PMFBP1: variants seen among roughly 807,000 people sequenced by gnomAD.
PMFBP1 encodes the protein polyamine modulated factor 1 binding protein 1.
A neutral mutation model predicts 137.8 loss-of-function variants in PMFBP1; 131 were observed. The ratio of observed to expected loss-of-function variants is 0.95; its 90% CI spans 0.82 to 1.10. The LOEUF is 1.10. Among genes scored for constraint, PMFBP1 ranks in the 50% least tolerant of loss-of-function variants. The pLI is 0.00. For missense variants in PMFBP1, 1,199 were observed against 1,175.4 expected, an observed-to-expected ratio of 1.02 and a Z score of -0.29; for synonymous variants, 490 against 450.4, an observed-to-expected ratio of 1.09 and a Z score of -1.11.
the PMFBP1 span, among the ~76,000 whole-genome samples, chr16:72,239,660 G>A: frequency 3.3e-5 from 5 of 151,936 alleles, no homozygotes; most frequent in South Asian, 2.1e-4. Context: ...TTGGGAGGCC[G>A]AGGCGGGTGG....
intron 7 of PMFBP1, 81 bp from the exon 8 acceptor site, chr16:72,136,900 C>A: frequency 5.7e-6 from 9 of 1,577,376 alleles, no homozygotes; most frequent in South Asian, 1.1e-5. Flanking sequence ...CATCCACAGT[C>A]AACAGTAAGT....
chr16:72,145,548 A>G (rs1277393662), intron 5 of PMFBP1, among the ~76,000 whole-genome samples: 2 of 152,184 alleles, frequency 1.3e-5, no homozygotes, highest in Non-Finnish European at 2.9e-5. Flanking sequence ...ACTGAAGGAG[A>G]TAGAGACACA....
chr16:72,128,111 C>T (rs1474136270), intron 14 of PMFBP1, among the ~76,000 whole-genome samples: 1 of 152,180 alleles, frequency 6.6e-6, no homozygotes, highest in Non-Finnish European at 1.5e-5. Context: ...GACTTTGGCC[C>T]TCCATCTTTC....
chr16:72,120,137 G>T (rs1434352646), intron 19 of PMFBP1, 48 bp from the exon 20 acceptor site: 1 of 1,613,198 alleles, frequency 6.2e-7, no homozygotes. Context: ...TGCTGGCTCT[G>T]GTTGGTTCCC....
intron 17 of PMFBP1, 149 bp from the exon 18 acceptor site, chr16:72,123,798 G>T (rs2042412678): frequency 3.1e-6 from 2 of 636,454 alleles, no homozygotes; most frequent in East Asian, 2.8e-5. Context: ...GTTGCCACCA[G>T]ACCTCCCCCT....
At chr16:72,121,804 AT>A (rs1385585070) in intron 19 of PMFBP1, among the ~76,000 whole-genome samples, 1 of 152,010 alleles carries the variant, frequency 6.6e-6, no homozygotes, top group African/African-American at 2.4e-5. Context: ...TCATTTTTAA[AT>A]TTTTTATACA....
intron 5 of PMFBP1, among the ~76,000 whole-genome samples, chr16:72,143,871 C>T (rs2042761990): frequency 6.6e-6 from 1 of 151,762 alleles, no homozygotes; most frequent in Non-Finnish European, 1.5e-5. Flanking sequence ...AGAAACACTC[C>T]TCTCTACTAA....
the PMFBP1 span, among the ~76,000 whole-genome samples, chr16:72,231,990 T>A: frequency 6.2e-5 from 9 of 145,476 alleles, no homozygotes; most frequent in South Asian, 1.1e-3. Flanking sequence ...TTGGAGAACT[T>A]CAATCTCTGG....
At chr16:72,159,506 G>A (rs2043029883) in intron 3 of PMFBP1, among the ~76,000 whole-genome samples, 1 of 152,154 alleles carries the variant, frequency 6.6e-6, no homozygotes, top group Non-Finnish European at 1.5e-5. Flanking sequence ...AATTTGCCTG[G>A]TTATAAAGAT....
At chr16:72,249,216 C>A in the PMFBP1 span, among the ~76,000 whole-genome samples, 2 of 151,992 alleles carry the variant, frequency 1.3e-5, no homozygotes, top group African/African-American at 4.8e-5. Flanking sequence ...TGTCTTCCAG[C>A]TGAGCTTTTG....
At chr16:72,122,600 C>T (rs2042391680) in intron 19 of PMFBP1, among the ~76,000 whole-genome samples, 1 of 152,232 alleles carries the variant, frequency 6.6e-6, no homozygotes, top group Non-Finnish European at 1.5e-5. Flanking sequence ...AGCCCCTGCC[C>T]TAAATAATCC....
intron 3 of PMFBP1, 63 bp downstream of exon 3, chr16:72,164,701 C>A: frequency 6.5e-7 from 1 of 1,530,282 alleles, no homozygotes. Flanking sequence ...ATTATTCCCG[C>A]CCAAGGGAGC....
At chr16:72,201,724 T>C in the PMFBP1 span, among the ~76,000 whole-genome samples, 12 of 152,374 alleles carry the variant, frequency 7.9e-5, no homozygotes, top group East Asian at 2.3e-3. Flanking sequence ...AAAGGGCTAA[T>C]ATTGATTAAT....
chr16:72,136,576 C>G lies in PMFBP1; in HGVS notation c.1075G>C (p.Gly359Arg), dbSNP rs745719555. Residue 359 changes from glycine (G) to arginine (R), a missense_variant, in exon 9 of 21, where the codon GGA becomes CGA. Coordinates refer to ENST00000237353, the MANE Select transcript of PMFBP1 (RefSeq NM_031293.3). Reference protein sequence around the residue: ...DMMKLELDLHGLREETSAHIE... With the variant: ...DMMKLELDLHRLREETSAHIE... ...TGGGCAGATGTCTCCTCCCGCAGTC[C>G]GTGCAGGTCCAGCTCCAGCTTCATC... 6.2e-7 allele frequency: 1 copy of G among 1,614,008 alleles called. No homozygotes were observed. Among genetic ancestry groups the G allele is most frequent in the Non-Finnish European group, 8.5e-7 (1 of 1,180,004 alleles).
Position 72,120,067 on chromosome 16 carries a change from G to A in PMFBP1, c.2791C>T (p.His931Tyr). Residue 931 changes from histidine to tyrosine, a missense_variant, in exon 20 of 21, where the codon CAC becomes TAC. Coordinates refer to ENST00000237353, the MANE Select transcript of PMFBP1 (RefSeq NM_031293.3). ...EKDHLHSVMVHLQQENKKLKK... is the reference protein window; with the variant it reads ...EKDHLHSVMVYLQQENKKLKK... ...AGCTTCTTGTTTTCCTGCTGCAAGTGGACCATTACACTGTGGAGGTGGCTG... is the reference window on the plus strand; with the variant it reads ...AGCTTCTTGTTTTCCTGCTGCAAGTAGACCATTACACTGTGGAGGTGGCTG... The A allele has an allele frequency of 1.9e-6, 3 of 1,614,162 alleles. No individual in the cohort carries two copies. The highest frequency in any genetic ancestry group is 1.7e-6 in the Non-Finnish European group (2 of 1,180,034).
intron 4 of PMFBP1, among the ~76,000 whole-genome samples, chr16:72,153,528 C>T (rs1438106784): frequency 6.6e-6 from 1 of 152,084 alleles, no homozygotes; most frequent in Non-Finnish European, 1.5e-5. Context: ...TGGTTTACTG[C>T]ACCTAGTGCT....
the PMFBP1 span, among the ~76,000 whole-genome samples, chr16:72,211,576 CAGA>C: frequency 6.6e-6 from 1 of 151,884 alleles, no homozygotes; most frequent in Non-Finnish European, 1.5e-5. Flanking sequence ...AGAAATAATG[CAGA>C]GAACAGAAAA....
At chr16:72,191,195 G>T in the PMFBP1 span, among the ~76,000 whole-genome samples, 1 of 152,186 alleles carries the variant, frequency 6.6e-6, no homozygotes, top group Non-Finnish European at 1.5e-5. Context: ...TTTACAGACA[G>T]ATTCTGTATT....
chr16:72,141,708 T>G (rs1196402395), intron 5 of PMFBP1, among the ~76,000 whole-genome samples: 2 of 152,198 alleles, frequency 1.3e-5, no homozygotes, highest in Non-Finnish European at 2.9e-5. Flanking sequence ...CCATATTTTT[T>G]TTTTTCTGAA....
Sources: allele counts gnomAD v4.1 joint callset (sites outside exome capture counted in the v4.1 genomes callset), GRCh38; gene constraint gnomAD v4.1.1; transcripts MANE v1.5; gene names NCBI Gene and HGNC (gene_info 2026-07-23, HGNC 2026-07-21).